The following CLIP1 variants were observed in gnomAD, a reference collection of about 807,000 sequenced individuals.
The protein encoded by CLIP1 is CAP-Gly domain-containing linker protein 1.
CLIP1 carries 66 observed loss-of-function variants against 161.6 expected under a neutral mutation model. That is an observed-to-expected ratio of 0.41 (90% CI 0.33 to 0.50). The LOEUF is 0.50. Ranked by LOEUF, CLIP1 falls within the 20% of genes least tolerant of loss-of-function variation. CLIP1 has a pLI of 0.27. For synonymous variants in CLIP1, 598 were observed against 626.2 expected, an observed-to-expected ratio of 0.96 and a Z score of 0.67; for missense variants, 1,376 against 1,702.0, an observed-to-expected ratio of 0.81 and a Z score of 3.37.
intron 1 of CLIP1, among the ~76,000 whole-genome samples, chr12:122,407,627 G>A (rs1214621331): frequency 6.6e-6 from 1 of 151,598 alleles, no homozygotes; most frequent in Non-Finnish European, 1.5e-5. Flanking sequence ...GAGCCCAGGA[G>A]ATTGAAGCTG....
chr12:122,346,019 C>G (rs1424486909), intron 10 of CLIP1, among the ~76,000 whole-genome samples: 1 of 152,076 alleles, frequency 6.6e-6, no homozygotes, highest in African/African-American at 2.4e-5. Flanking sequence ...CTCCCAACCT[C>G]AGGTGATCCA....
At chr12:122,402,953 G>A (rs1956191870) in intron 1 of CLIP1, among the ~76,000 whole-genome samples, 1 of 152,052 alleles carries the variant, frequency 6.6e-6, no homozygotes, top group Non-Finnish European at 1.5e-5. Flanking sequence ...CACATTTCAC[G>A]TGCTCAATAC....
At chr12:122,340,261 G>T (rs1952437050) in intron 11 of CLIP1, among the ~76,000 whole-genome samples, 1 of 151,996 alleles carries the variant, frequency 6.6e-6, no homozygotes, top group Non-Finnish European at 1.5e-5. Flanking sequence ...TGTATTTTTA[G>T]TAGAGATGGG....
At chr12:122,313,734 C>CA (rs931449113) in intron 19 of CLIP1, among the ~76,000 whole-genome samples, 1 of 151,026 alleles carries the variant, frequency 6.6e-6, no homozygotes, top group African/African-American at 2.4e-5. Flanking sequence ...ACAACAACAA[C>CA]AAAAAAAAAC....
intron 19 of CLIP1, among the ~76,000 whole-genome samples, chr12:122,312,659 G>C (rs1347700707): frequency 6.6e-6 from 1 of 152,168 alleles, no homozygotes. Context: ...AGCTACTTGG[G>C]AGGCTGGGGT....
chr12:122,415,412 G>A (rs1448357216), intron 1 of CLIP1, among the ~76,000 whole-genome samples: 3 of 151,278 alleles, frequency 2.0e-5, no homozygotes, highest in Non-Finnish European at 4.4e-5. Context: ...AACCTGGGAG[G>A]CGGAGCTTGC....
chr12:122,377,027 T>G (rs1293066920), intron 3 of CLIP1, among the ~76,000 whole-genome samples: 2 of 151,282 alleles, frequency 1.3e-5, no homozygotes, highest in Non-Finnish European at 2.9e-5. Context: ...TTTTTTTTTT[T>G]GAGACAGAGT....
At chr12:122,394,549 G>C (rs1238112202) in intron 1 of CLIP1, among the ~76,000 whole-genome samples, 2 of 141,672 alleles carry the variant, frequency 1.4e-5, no homozygotes, top group African/African-American at 5.3e-5. Flanking sequence ...TTTGCACCCA[G>C]AATACAGAAA....
In CLIP1 at chr12:122,302,702, A is replaced by T. The variant is rs1376121613; in HGVS notation, c.3594+7060T>A. On this transcript the variant is annotated intron_variant, in intron 20 of 25. Transcript: ENST00000620786. ...AACCTCCACCTCCTGGGTTCAAGCT[A>T]TTCTCCCATGTCAGTATCCAAGTAA... Among the ~76,000 whole-genome samples, 2 of 151,996 alleles carry T rather than the reference A, an allele frequency of 1.3e-5. 1 individual carries two copies. The highest frequency in any genetic ancestry group is 4.2e-4 in the South Asian group (2 of 4,808).
At chr12:122,274,335 A>G in intron 24 of CLIP1, 173 bp from the exon 25 acceptor site, 1 of 545,252 alleles carries the variant, frequency 1.8e-6, no homozygotes, top group Non-Finnish European at 3.3e-6. Context: ...GCATGCTGAG[A>G]TTGTGTGAGT....
chr12:122,290,906 G>GT (rs893344514), intron 20 of CLIP1, among the ~76,000 whole-genome samples: 141 of 137,302 alleles, frequency 1.0e-3, no homozygotes, highest in Middle Eastern at 3.6e-3. Context: ...GTTTTTTTTA[G>GT]TTTTTTTTTT....
At chr12:122,308,946 C>T (rs895991831) in intron 20 of CLIP1, among the ~76,000 whole-genome samples, 6 of 152,098 alleles carry the variant, frequency 3.9e-5, no homozygotes, top group South Asian at 2.1e-4. Context: ...CAACACACAA[C>T]GGGAAAAAAA....
chr12:122,366,849 G>C (rs1329514044), intron 3 of CLIP1, among the ~76,000 whole-genome samples: 1 of 152,146 alleles, frequency 6.6e-6, no homozygotes, highest in Non-Finnish European at 1.5e-5. Flanking sequence ...TCAAAAAAAA[G>C]AGTACTAGTT....
At chr12:122,372,328 G>A (rs1259801515) in intron 3 of CLIP1, among the ~76,000 whole-genome samples, 2 of 151,996 alleles carry the variant, frequency 1.3e-5, no homozygotes, top group African/African-American at 2.4e-5. Flanking sequence ...GCTGAGACAG[G>A]AGAATCACTT....
At chr12:122,319,972 A>T (rs1951420941) in intron 17 of CLIP1, among the ~76,000 whole-genome samples, 1 of 152,198 alleles carries the variant, frequency 6.6e-6, no homozygotes, top group South Asian at 2.1e-4. Flanking sequence ...TATCAAAATT[A>T]ATTATAAAAA....
intron 20 of CLIP1, among the ~76,000 whole-genome samples, chr12:122,302,973 C>T (rs75257667): frequency 0.1 from 15,564 of 152,110 alleles, 2,595 homozygotes; most frequent in African/African-American, 0.35. Flanking sequence ...CTCAAACAGT[C>T]TCCTGGCTTG....
chr12:122,310,379 G>T (rs1951020287), intron 19 of CLIP1, among the ~76,000 whole-genome samples: 1 of 152,216 alleles, frequency 6.6e-6, no homozygotes, highest in African/African-American at 2.4e-5. Context: ...AGAGTCAAGT[G>T]CTGATGTAAA....
intron 1 of CLIP1, 140 bp from the exon 2 acceptor site, chr12:122,380,698 G>A: frequency 3.2e-6 from 1 of 309,782 alleles, no homozygotes; most frequent in Non-Finnish European, 5.9e-6. Context: ...AGAAGACTCT[G>A]GTTATTAAAC....
chr12:122,313,207 T>C (rs977244391), intron 19 of CLIP1, among the ~76,000 whole-genome samples: 2 of 152,160 alleles, frequency 1.3e-5, no homozygotes, highest in African/African-American at 4.8e-5. Context: ...CTCAGGTCTG[T>C]TGGGGCAGAA....
Sources: allele counts gnomAD v4.1 joint callset (sites outside exome capture counted in the v4.1 genomes callset), GRCh38; gene constraint gnomAD v4.1.1; transcripts MANE v1.5; gene names NCBI Gene and HGNC (gene_info 2026-07-23, HGNC 2026-07-21).